Variants in IQSEC2 observed in about 807,000 individuals in gnomAD.
IQSEC2 encodes the protein IQ motif and SEC7 domain-containing protein 2.
In IQSEC2, 6 loss-of-function variants were observed where a neutral mutation model predicts 74.6. The observed-to-expected ratio is 0.08, with a 90% CI of 0.04 to 0.16. The LOEUF (loss-of-function observed/expected upper bound fraction) is 0.16. IQSEC2 is among the 10% of genes least tolerant of loss of function. The pLI, the probability that IQSEC2 is intolerant of heterozygous loss-of-function variation, is 1.00. For synonymous variants in IQSEC2, 494 were observed against 544.5 expected, an observed-to-expected ratio of 0.91 and a Z score of 1.29; for missense variants, 734 against 1,306.2, an observed-to-expected ratio of 0.56 and a Z score of 6.75.
At chrX:53,289,261 C>G (rs1462686011) in intron 2 of IQSEC2, among the ~76,000 whole-genome samples, 1 of 111,064 alleles carries the variant, frequency 9.0e-6, no homozygotes, top group Non-Finnish European at 1.9e-5. Context: ...AACCCACCCC[C>G]CAAATGGAGG....
chrX:53,242,433 C>CAAAAAAAA (rs138931001), intron 9 of IQSEC2, among the ~76,000 whole-genome samples: 1 of 36,004 alleles, frequency 2.8e-5, no homozygotes, highest in Non-Finnish European at 4.9e-5. Flanking sequence ...AACTCCATGT[C>CAAAAAAAA]AAAAAAAAAA....
intron 2 of IQSEC2, among the ~76,000 whole-genome samples, chrX:53,280,810 G>C (rs1602336691): frequency 8.9e-6 from 1 of 111,947 alleles, no homozygotes; most frequent in Non-Finnish European, 1.9e-5. Context: ...GCAGATGCCA[G>C]AGGTATGCCA....
chrX:53,286,934 C>T (rs1368481588), intron 2 of IQSEC2, among the ~76,000 whole-genome samples: 1 of 33,779 alleles, frequency 3.0e-5, no homozygotes, highest in African/African-American at 1.0e-4. Context: ...AGCAAGTATC[C>T]GGCTCAAAAA....
chrX:53,226,443 T>C (rs1556857543), downstream of IQSEC2: 1 of 112,842 alleles, frequency 8.9e-6, no homozygotes, highest in African/African-American at 3.2e-5. Context: ...TGTGGCCTTA[T>C]ACATCCTTAG....
intron 2 of IQSEC2, among the ~76,000 whole-genome samples, chrX:53,275,574 G>T (rs2074816242): frequency 9.0e-6 from 1 of 111,445 alleles, no homozygotes; most frequent in Non-Finnish European, 1.9e-5. Flanking sequence ...GATGTCTTTT[G>T]TCATGAATTA....
chrX:53,294,133 C>A (rs1246274317), intron 1 of IQSEC2, among the ~76,000 whole-genome samples: 4 of 112,095 alleles, frequency 3.6e-5, no homozygotes, highest in Non-Finnish European at 7.5e-5. Flanking sequence ...CCTTTCCTCT[C>A]CAGTGCTCTT....
chrX:53,281,025 G>C (rs185545017), intron 2 of IQSEC2, among the ~76,000 whole-genome samples: 1 of 112,657 alleles, frequency 8.9e-6, no homozygotes, highest in African/African-American at 3.2e-5. Flanking sequence ...GGGAATCTTT[G>C]AATCTGAGAC....
chrX:53,284,514 C>G (rs782019247), intron 2 of IQSEC2, among the ~76,000 whole-genome samples: 2 of 111,377 alleles, frequency 1.8e-5, no homozygotes, highest in South Asian at 3.8e-4. Flanking sequence ...ATCTCCCCAC[C>G]TGGCTGGCTC....
At position 53,248,729 on chromosome X, in the gene IQSEC2, G is replaced by A. The variant is rs782668223; in HGVS notation, c.2451C>T (p.Asp817=). ...LGNRQKQFNR[D]VLDCVVDEMD... ...CATCCTGGGGTCCTCACTCCAACAC[G>A]TCTCTGTTGAACTGCTTCTGCCGGT... is the stretch of plus-strand genomic sequence containing the variant. Residue 817 remains aspartate (D), a synonymous_variant, in exon 6 of 15, where the codon GAC becomes GAT. Transcript: ENST00000642864. The A allele has an allele frequency of 3.6e-5, 44 of 1,209,553 alleles. No homozygotes were observed. Among genetic ancestry groups the A allele is most frequent in the Admixed American group, 1.3e-4 (6 of 45,782 alleles).
intron 2 of IQSEC2, among the ~76,000 whole-genome samples, chrX:53,270,913 C>T (rs1487942710): frequency 2.7e-5 from 3 of 111,373 alleles, no homozygotes; most frequent in Non-Finnish European, 5.7e-5. Context: ...TGCCCACGAC[C>T]TTGGCTTCTC....
rs782230397 is a variant in IQSEC2 at position 53,255,862 on chromosome X, TCTC to T, written c.934_936del (p.Glu312del). 1.7e-6 allele frequency: 2 copies of T among 1,210,602 alleles called. No individual in the cohort carries two copies. The highest frequency in any genetic ancestry group is 1.1e-6 in the Non-Finnish European group (1 of 894,549). The stretch of plus-strand genomic sequence containing the variant: ...TCCGATAGGGCCTTGGAGCGCTTTA[TCTC>T]CTCCTCCTCCTGCTTCCTCAGGGCG... On this transcript the variant is annotated inframe_deletion, in exon 3 of 15. Transcript: ENST00000642864.
intron 1 of IQSEC2, among the ~76,000 whole-genome samples, chrX:53,309,251 G>C (rs1299323513): frequency 8.9e-6 from 1 of 112,047 alleles, no homozygotes; most frequent in African/African-American, 3.2e-5. Flanking sequence ...ACGTTATTTA[G>C]AGATATGAAG....
chrX:53,253,308 GTTTTCTCTCCATTTTA>G (rs2074419060), intron 4 of IQSEC2, among the ~76,000 whole-genome samples: 2 of 111,969 alleles, frequency 1.8e-5, no homozygotes, highest in African/African-American at 6.5e-5. Context: ...CTCTAAAAGG[GTTTTCTCTCCATTTTA>G]TTTTCTCTCC....
At chrX:53,238,658 G>A (rs1317272361) in intron 11 of IQSEC2, among the ~76,000 whole-genome samples, 1 of 109,392 alleles carries the variant, frequency 9.1e-6, no homozygotes, top group Non-Finnish European at 1.9e-5. Context: ...GATTACAGGT[G>A]TGAGCCACCA....
intron 14 of IQSEC2, 69 bp downstream of exon 14, chrX:53,235,714 C>T (rs1423727774): frequency 1.8e-6 from 2 of 1,094,264 alleles, no homozygotes; most frequent in Non-Finnish European, 2.5e-6. Context: ...AGGTCCCCTC[C>T]TCCTCTGGGT....
At chrX:53,230,207 C>T (rs892219404), downstream of IQSEC2, 1 of 112,593 alleles carries the variant, frequency 8.9e-6, no homozygotes, top group African/African-American at 3.2e-5. Flanking sequence ...TGCCTGACCC[C>T]ACCCACACAC....
intron 13 of IQSEC2, 25 bp from the exon 14 acceptor site, chrX:53,235,857 G>A: frequency 8.6e-7 from 1 of 1,156,466 alleles, no homozygotes; most frequent in South Asian, 1.9e-5. Flanking sequence ...AAGGAGCCCA[G>A]CGTCAGAGCA....
chrX:53,308,086 C>T (rs782416951), intron 1 of IQSEC2, among the ~76,000 whole-genome samples: 1 of 99,927 alleles, frequency 1.0e-5, no homozygotes, highest in African/African-American at 3.7e-5. Context: ...ATCGCTTGAA[C>T]CCGGGAGGCA....
At chrX:53,280,981 G>A (rs1231074765) in intron 2 of IQSEC2, among the ~76,000 whole-genome samples, 6 of 112,556 alleles carry the variant, frequency 5.3e-5, no homozygotes, top group Admixed American at 4.7e-4. Flanking sequence ...GGCCAGCTGC[G>A]AATTTGAGGA....
Sources: allele counts gnomAD v4.1 joint callset (sites outside exome capture counted in the v4.1 genomes callset), GRCh38; gene constraint gnomAD v4.1.1; transcripts MANE v1.5; gene names NCBI Gene and HGNC (gene_info 2026-07-23, HGNC 2026-07-21).